Variants in PCDHGA7 observed in about 807,000 individuals in gnomAD.
The protein encoded by PCDHGA7 is protocadherin gamma-A7.
In PCDHGA7, 44 loss-of-function variants were observed where a neutral mutation model predicts 58.3. That is an observed-to-expected ratio of 0.75 (90% CI 0.59 to 0.97). PCDHGA7 has a LOEUF of 0.97. Ranked by LOEUF, PCDHGA7 falls within the 50% of genes least tolerant of loss-of-function variation. The probability of loss-of-function intolerance (pLI) is 0.00; values close to 1 mark genes in which losing one functional copy is unlikely to be tolerated. For missense variants in PCDHGA7, 1,266 were observed against 1,188.7 expected (o/e 1.06, Z -0.96); for synonymous variants, 516 against 504.2 (o/e 1.02, Z -0.31).
intron 1 of PCDHGA7, among the ~76,000 whole-genome samples, chr5:141,483,021 G>A (rs543104114): frequency 6.6e-6 from 1 of 152,126 alleles, no homozygotes; most frequent in East Asian, 1.9e-4. Context: ...GGAGGCAGAG[G>A]TTGCAATGAG....
chr5:141,415,853 G>GTAGTT, intron 1 of PCDHGA7: 1 of 1,186,350 alleles, frequency 8.4e-7, no homozygotes, highest in Non-Finnish European at 1.1e-6. Context: ...GCAGAACCTT[G>GTAGTT]TAGTTTATAG....
intron 1 of PCDHGA7, chr5:141,390,655 A>G (rs2092202484): frequency 4.9e-6 from 1 of 204,734 alleles, no homozygotes; most frequent in Non-Finnish European, 9.8e-6. Flanking sequence ...GCTTGGATAT[A>G]CCATAAATAT....
At chr5:141,419,279 G>C in intron 1 of PCDHGA7, 1 of 1,614,042 alleles carries the variant, frequency 6.2e-7, no homozygotes, top group South Asian at 1.1e-5. Flanking sequence ...CATAGCGCAA[G>C]TCAGTGCCTC....
intron 1 of PCDHGA7, chr5:141,403,336 C>T (rs2094393288): frequency 1.9e-6 from 3 of 1,614,032 alleles, no homozygotes; most frequent in Non-Finnish European, 2.5e-6. Flanking sequence ...ATATTAACGA[C>T]AGCGCCCCAA....
At chr5:141,393,553 A>G (rs377510269) in intron 1 of PCDHGA7, 2 of 1,613,810 alleles carry the variant, frequency 1.2e-6, no homozygotes, top group African/African-American at 2.7e-5. Context: ...CACCCGATTT[A>G]CCGAGTGAAA....
At chr5:141,458,058 C>T (rs997664641) in intron 1 of PCDHGA7, among the ~76,000 whole-genome samples, 3 of 152,196 alleles carry the variant, frequency 2.0e-5, no homozygotes, top group Non-Finnish European at 4.4e-5. Context: ...TCTTGCTGCA[C>T]TGATGCGAAC....
chr5:141,458,556 T>C (rs1424881453), intron 1 of PCDHGA7, among the ~76,000 whole-genome samples: 1 of 145,670 alleles, frequency 6.9e-6, no homozygotes, highest in Non-Finnish European at 1.5e-5. Flanking sequence ...TTGTTTGTTT[T>C]GGTTTTGGGT....
At chr5:141,421,387 G>A in intron 1 of PCDHGA7, 3 of 1,614,054 alleles carry the variant, frequency 1.9e-6, no homozygotes, top group Non-Finnish European at 2.5e-6. Context: ...CAAGGACCTG[G>A]GGCTGGAGCC....
In PCDHGA7 at chr5:141,384,574, C is replaced by G. The variant is rs1229577686; in HGVS notation, c.1675C>G (p.Pro559Ala). 1.9e-6 allele frequency: 3 copies of G among 1,614,228 alleles called. No individual in the cohort carries two copies. Among genetic ancestry groups the G allele is most frequent in the South Asian group, 1.1e-5 (1 of 91,088 alleles). ...GTTCGTGCTGGACCAGAATGACAACCCGCCCGAGATCCTGTACCCGGCCCT... is the reference window on the plus strand; with the variant it reads ...GTTCGTGCTGGACCAGAATGACAACGCGCCCGAGATCCTGTACCCGGCCCT... ...SLFVLDQNDNPPEILYPALPT... is the reference protein window; with the variant it reads ...SLFVLDQNDNAPEILYPALPT... The change falls in exon 1 of 4, where the codon CCG becomes GCG. Residue 559 changes from proline to alanine, a missense_variant. Pro to Ala is a conservative substitution (Grantham distance 27). Transcript: ENST00000518325.
At position 141,432,325 on chromosome 5, in the gene PCDHGA7, C is replaced by A; in HGVS notation, c.2424+47002C>A. 6.2e-7 allele frequency: 1 copy of A among 1,614,260 alleles called. No individual in the cohort carries two copies. The highest frequency in any genetic ancestry group is 1.1e-5 in the South Asian group (1 of 91,092). On this transcript the variant is annotated intron_variant, in intron 1 of 3. Transcript: ENST00000518325. The surrounding 1 kb of genome is among the most constrained non-coding windows in gnomAD (Gnocchi z 6.0). The stretch of plus-strand genomic sequence containing the variant: ...TGTATGCGCTGAGCTCCTTCGACTA[C>A]GAGCAGTTCCGAGACTTGCAAGTGA...
At position 141,432,781 on chromosome 5, in the gene PCDHGA7, C is replaced by T. The variant is rs761954375; in HGVS notation, c.2424+47458C>T. On this transcript the variant is annotated intron_variant, in intron 1 of 3. Coordinates refer to ENST00000518325, the MANE Select transcript of PCDHGA7 (RefSeq NM_018920.4). This position sits in a 1 kb window ranked among gnomAD's most constrained non-coding sequence, Gnocchi z 6.0. ...ACAGCATCCCCCAAGTCCTGGCGGA[C>T]CTCGGCAGCCTCGAGTCTCCAGCTA... The T allele has an allele frequency of 3.1e-6, 5 of 1,614,064 alleles. No homozygotes were observed. The Admixed American group carries it at 8.3e-5, about 27-fold the overall frequency.
chr5:141,389,935 C>A, intron 1 of PCDHGA7: 1 of 1,614,084 alleles, frequency 6.2e-7, no homozygotes, highest in Non-Finnish European at 8.5e-7. Flanking sequence ...GACCTCCAGG[C>A]TGAGCTGCAG....
intron 1 of PCDHGA7, among the ~76,000 whole-genome samples, chr5:141,433,940 T>C (rs1315031506): frequency 6.6e-6 from 1 of 152,192 alleles, no homozygotes; most frequent in African/African-American, 2.4e-5. Flanking sequence ...TATAATTCCA[T>C]TGTTTCTTCT....
intron 1 of PCDHGA7, among the ~76,000 whole-genome samples, chr5:141,459,678 G>A (rs1240789253): frequency 2.0e-5 from 3 of 152,184 alleles, no homozygotes; most frequent in African/African-American, 7.2e-5. Flanking sequence ...CATGAGCAAT[G>A]CATAAAGCGT....
In PCDHGA7 at chr5:141,511,367, G is replaced by A. The variant is rs563286583; in HGVS notation, c.*194G>A. ...CCTTCCCCCCCAGGGGGTTGAATAT[G>A]CAAAAGCAGTTCCGCTGGGAACCCC... On this transcript the variant is annotated 3_prime_UTR_variant, in exon 4 of 4. Coordinates refer to ENST00000518325, the MANE Select transcript of PCDHGA7 (RefSeq NM_018920.4). 2.3e-6 allele frequency: 3 copies of A among 1,299,952 alleles called. No individual in the cohort carries two copies. Among genetic ancestry groups the A allele is most frequent in the Non-Finnish European group, 3.1e-6 (3 of 967,442 alleles). 80.5% of individuals were successfully genotyped at this position (1,299,952 alleles called of 1,614,324 possible).
intron 1 of PCDHGA7, chr5:141,479,217 A>G (rs1433108919): frequency 1.3e-5 from 2 of 152,400 alleles, no homozygotes; most frequent in Non-Finnish European, 2.9e-5. Context: ...TTAAAAAATT[A>G]AAACTATAAT....
Position 141,511,508 on chromosome 5 carries a change from C to T in PCDHGA7, c.*335C>T, listed in dbSNP as rs1339517659. 7.8e-6 allele frequency: 3 copies of T among 385,970 alleles called. No individual in the cohort carries two copies. Among genetic ancestry groups the T allele is most frequent in the Non-Finnish European group, 1.5e-5 (3 of 206,164 alleles). The allele number at this position is 385,970 out of a possible 1,614,324, so 23.9% of individuals were successfully genotyped here. Reference sequence around the variant, plus strand: ...TCCTCCATCTTCCAAATCAATCAGGCCCATCCATCCCATGCCTCCCTCCTC... The same window carrying T: ...TCCTCCATCTTCCAAATCAATCAGGTCCATCCATCCCATGCCTCCCTCCTC... On this transcript the variant is annotated 3_prime_UTR_variant, in exon 4 of 4. Coordinates refer to ENST00000518325, the MANE Select transcript of PCDHGA7 (RefSeq NM_018920.4).
At chr5:141,414,221 C>A in intron 1 of PCDHGA7, 1 of 1,613,126 alleles carries the variant, frequency 6.2e-7, no homozygotes, top group Non-Finnish European at 8.5e-7. Flanking sequence ...GACAACAGTC[C>A]AGAGCTGACC....
At chr5:141,388,612 G>T in intron 1 of PCDHGA7, 1 of 1,613,954 alleles carries the variant, frequency 6.2e-7, no homozygotes, top group Non-Finnish European at 8.5e-7. Flanking sequence ...CCAGTGTTCA[G>T]TCAAGACGTA....
Sources: gnomAD v4.1 joint callset for allele counts (sites outside exome capture counted in the v4.1 genomes callset) on GRCh38, gnomAD v4.1.1 for gene constraint, Gnocchi (gnomAD v3.1) non-coding constraint, MANE v1.5 for transcripts, NCBI Gene and HGNC (gene_info 2026-07-23, HGNC 2026-07-21) for gene names.